ITPKC: variants seen among roughly 807,000 people sequenced by gnomAD.
ITPKC encodes inositol-trisphosphate 3-kinase C, also known as IP3 3-kinase C.
Under a neutral mutation model 67.1 loss-of-function variants are expected in ITPKC, and 33 were observed. That is an observed-to-expected ratio of 0.49 (90% CI 0.37 to 0.66). ITPKC has a LOEUF of 0.66. Among genes scored for constraint, ITPKC ranks in the 30% least tolerant of loss-of-function variants. The pLI is 0.00. For missense variants in ITPKC, 820 were observed against 892.1 expected (o/e 0.92, Z 1.03); for synonymous variants, 341 against 359.8 (o/e 0.95, Z 0.59).
chr19:40,720,952 T>C (rs949352516), intron 1 of ITPKC, among the ~76,000 whole-genome samples: 1 of 152,098 alleles, frequency 6.6e-6, no homozygotes, highest in African/African-American at 2.4e-5. Flanking sequence ...TTTTTCTTTT[T>C]TTGGTAGGGA....
intron 3 of ITPKC, among the ~76,000 whole-genome samples, chr19:40,732,552 G>A (rs114672110): frequency 2.2e-5 from 3 of 136,598 alleles, no homozygotes; most frequent in Non-Finnish European, 4.7e-5. Flanking sequence ...AAAAAAGATT[G>A]TAACAAGGGC....
intron 2 of ITPKC, among the ~76,000 whole-genome samples, 154 bp downstream of exon 2, chr19:40,725,593 C>A (rs953760230): frequency 2.0e-5 from 3 of 152,180 alleles, no homozygotes; most frequent in African/African-American, 7.2e-5. Context: ...CTGGGCCTGG[C>A]CCTTCGTATG....
rs900601396 is a variant in ITPKC, at chr19:40,729,318, G to A, written c.1372G>A (p.Gly458Ser). 1.5e-5 allele frequency: 24 copies of A among 1,614,076 alleles called. No homozygotes were observed. The highest frequency in any genetic ancestry group is 1.9e-5 in the Non-Finnish European group (22 of 1,180,046). The change falls in exon 3 of 7, where the codon GGC becomes AGC. Residue 458 changes from glycine to serine, a missense_variant. Physicochemically the swap from Gly to Ser is moderately conservative, Grantham distance 56 (BLOSUM62 0). This residue lies in a region of ITPKC where 339 missense variants were observed against 422.0 expected (regional missense o/e 0.80). Coordinates refer to ENST00000263370, the MANE Select transcript of ITPKC (RefSeq NM_025194.3). ...GCGACCTTTCGTGCCTGCCTACTAT[G>A]GCATGGTGCTGCAGGATGGCCAGAC... ...PLRPFVPAYY[G>S]MVLQDGQTFN...
chr19:40,729,290 G>T lies in ITPKC; in HGVS notation c.1344G>T (p.Pro448=), dbSNP rs562478696. The part of the protein sequence containing the change: ...QRSLEQLMKD[P]LRPFVPAYYG... ...GCCTGGAGCAGCTGATGAAAGACCC[G>T]CTGCGACCTTTCGTGCCTGCCTACT... The change falls in exon 3 of 7, where the codon CCG becomes CCT. Residue 448 remains proline, a synonymous_variant. Coordinates refer to ENST00000263370, the MANE Select transcript of ITPKC (RefSeq NM_025194.3). 6.2e-7 allele frequency: 1 copy of T among 1,614,010 alleles called. No homozygotes were observed. The highest frequency in any genetic ancestry group is 8.5e-7 in the Non-Finnish European group (1 of 1,180,004).
chr19:40,740,477 C>T lies in ITPKC; in HGVS notation c.*917C>T, dbSNP rs1424902260. The T allele has an allele frequency of 5.3e-5, 11 of 208,362 alleles. 1 individual carries two copies. The highest frequency in any genetic ancestry group is 7.7e-5 in the Non-Finnish European group (8 of 103,792). 12.9% of individuals were successfully genotyped at this position (208,362 alleles called of 1,614,324 possible). Reference sequence around the variant, plus strand: ...AGGAGGGCCCCATCCAATCCCGGGCCCCTGCAGGGAAAAGCGCTGGGTGTG... The same window carrying T: ...AGGAGGGCCCCATCCAATCCCGGGCTCCTGCAGGGAAAAGCGCTGGGTGTG... On this transcript the variant is annotated 3_prime_UTR_variant, in exon 7 of 7. Transcript: ENST00000263370.
intron 1 of ITPKC, 151 bp downstream of exon 1, chr19:40,718,441 C>T: frequency 9.9e-7 from 1 of 1,010,122 alleles, no homozygotes; most frequent in Non-Finnish European, 1.4e-6. Context: ...CCTCCTCCCT[C>T]TGACAGCCAG....
chr19:40,733,096 A>T lies in ITPKC; in HGVS notation c.1470-64A>T, dbSNP rs1456917506. ...CACTGTGGCTTTATGTCTTAATATCAGGAAGGGTAAGCCCTCCAGTTTGTT... is the reference window on the plus strand; with the variant it reads ...CACTGTGGCTTTATGTCTTAATATCTGGAAGGGTAAGCCCTCCAGTTTGTT... On this transcript the variant is annotated intron_variant, in intron 3 of 6. Transcript: ENST00000263370. 2.8e-6 allele frequency: 4 copies of T among 1,421,364 alleles called. No homozygotes were observed. In the African/African-American group the frequency reaches 5.6e-5, roughly 20 times the overall value. 88.0% of individuals were successfully genotyped at this position (1,421,364 alleles called of 1,614,324 possible). A position where few individuals can be genotyped will look rare whatever the true frequency, so the allele number is the denominator to read the frequency against.
Position 40,717,476 on chromosome 19 carries a change from A to G in ITPKC, c.341A>G (p.Glu114Gly). 6.2e-7 allele frequency: 1 copy of G among 1,614,064 alleles called. No homozygotes were observed. The highest frequency in any genetic ancestry group is 8.5e-7 in the Non-Finnish European group (1 of 1,179,996). Residue 114 changes from glutamate to glycine, a missense_variant, in exon 1 of 7, where the codon GAG (glutamate) becomes GGG (glycine). This residue lies in a region of ITPKC where 481 missense variants were observed against 470.1 expected (regional missense o/e 1.02). Transcript: ENST00000263370. Reference sequence around the variant, plus strand: ...ACCGAGAGGCCCAAGCAAAAGACGGAGCCAGACAGGTCCAGCCTCCGGACG... The same window carrying G: ...ACCGAGAGGCCCAAGCAAAAGACGGGGCCAGACAGGTCCAGCCTCCGGACG... Reference protein sequence around the residue: ...VETERPKQKTEPDRSSLRTHL... With the variant: ...VETERPKQKTGPDRSSLRTHL...
At chr19:40,722,344 A>G (rs1030320006) in intron 1 of ITPKC, among the ~76,000 whole-genome samples, 3 of 151,970 alleles carry the variant, frequency 2.0e-5, no homozygotes, top group Admixed American at 6.6e-5. Context: ...GTTGTGGCAC[A>G]CTGAGTCTTT....
chr19:40,725,534 C>A lies in ITPKC; in HGVS notation c.1255+95C>A, dbSNP rs377666423. ...TTTAGTTCCCCCACCTAGTGATGGGCTTGGTGACAGTCCCCACCTTATGGG... is the reference window on the plus strand; with the variant it reads ...TTTAGTTCCCCCACCTAGTGATGGGATTGGTGACAGTCCCCACCTTATGGG... On this transcript the variant is annotated intron_variant, in intron 2 of 6. Coordinates refer to ENST00000263370, the MANE Select transcript of ITPKC (RefSeq NM_025194.3). 3 of 869,396 alleles carry A rather than the reference C, an allele frequency of 3.5e-6. No individual in the cohort carries two copies. The South Asian group carries it at 4.1e-5, about 12-fold the overall frequency. The allele number at this position is 869,396 out of a possible 1,614,324, so 53.9% of individuals were successfully genotyped here.
At chr19:40,727,191 G>C (rs919487069) in intron 2 of ITPKC, among the ~76,000 whole-genome samples, 1 of 151,842 alleles carries the variant, frequency 6.6e-6, no homozygotes, top group East Asian at 1.9e-4. Context: ...AAAATTAGCC[G>C]GGCATGGTGG....
intron 2 of ITPKC, among the ~76,000 whole-genome samples, chr19:40,727,797 G>T (rs1323802385): frequency 6.6e-6 from 1 of 152,162 alleles, no homozygotes; most frequent in Non-Finnish European, 1.5e-5. Context: ...CATATTTAAT[G>T]GGAGAGCAAT....
Position 40,718,170 on chromosome 19 carries a change from A to AC in ITPKC, c.1041dup (p.Ser348LeufsTer4), listed in dbSNP as rs764866398. 40 of 1,590,478 alleles carry AC rather than the reference A, an allele frequency of 2.5e-5. No homozygotes were observed. Among genetic ancestry groups the AC allele is most frequent in the Non-Finnish European group, 3.0e-5 (35 of 1,168,598 alleles). On this transcript the variant is annotated frameshift_variant, in exon 1 of 7. Coordinates refer to ENST00000263370, the MANE Select transcript of ITPKC (RefSeq NM_025194.3). LOFTEE classifies it high-confidence loss of function. ...CTGAGCCTGAGGCCCAGCCAGTGGG[A>AC]CCCCCCTCCCGGGTTGAGGGGGGCA...
chr19:40,718,243 G>A lies in ITPKC; in HGVS notation c.1108G>A (p.Val370Met), dbSNP rs753310722. The A allele has an allele frequency of 6.5e-7, 1 of 1,527,044 alleles. No individual in the cohort carries two copies. Among genetic ancestry groups the A allele is most frequent in the Non-Finnish European group, 8.8e-7 (1 of 1,142,350 alleles). The allele number at this position is 1,527,044 out of a possible 1,614,324, so 94.6% of individuals were successfully genotyped here. A position where few individuals can be genotyped will look rare whatever the true frequency, so the allele number is the denominator to read the frequency against. ...TTCTTTCGACGAGTCTGAGGATGAC[G>A]TGGTGGCCGGGGGCGGAGGTGCCAG... ...ASSFDESEDDVVAGGGGASDP... is the reference protein window; with the variant it reads ...ASSFDESEDDMVAGGGGASDP... The change falls in exon 1 of 7, where the codon GTG (valine) becomes ATG (methionine). Residue 370 changes from valine (V) to methionine (M), a missense_variant. Physicochemically the swap from Val to Met is conservative, Grantham distance 21. Transcript: ENST00000263370.
At chr19:40,736,891 C>T (rs551616859) in intron 4 of ITPKC, 95 bp from the exon 5 acceptor site, 52 of 745,870 alleles carry the variant, frequency 7.0e-5, no homozygotes, top group African/African-American at 5.4e-4. Context: ...TCTTGGCCAC[C>T]GCGCCCGGCC....
chr19:40,722,500 G>A (rs2144735291), intron 1 of ITPKC, among the ~76,000 whole-genome samples: 1 of 151,752 alleles, frequency 6.6e-6, no homozygotes, highest in East Asian at 1.9e-4. Flanking sequence ...TCAAAGAGAT[G>A]TCTGTGAGGT....
In ITPKC at chr19:40,717,853, C is replaced by T; in HGVS notation, c.718C>T (p.Pro240Ser). The T allele has an allele frequency of 2.5e-6, 4 of 1,614,068 alleles. No individual in the cohort carries two copies. The South Asian group carries it at 3.3e-5, about 13-fold the overall frequency. The change falls in exon 1 of 7, where the codon CCC (proline) becomes TCC (serine). Residue 240 changes from proline to serine, a missense_variant. Pro to Ser is a moderately conservative substitution (Grantham distance 74). This residue lies in a region of ITPKC where 481 missense variants were observed against 470.1 expected (regional missense o/e 1.02). Transcript: ENST00000263370. ...GSRTQQDIEG[P>S]WTEPYTDGSQ... ...CAGGACACAACAGGATATTGAAGGT[C>T]CCTGGACAGAGCCATATACTGATGG...
chr19:40,718,814 G>A (rs908528690), intron 1 of ITPKC, among the ~76,000 whole-genome samples: 1 of 152,124 alleles, frequency 6.6e-6, no homozygotes, highest in African/African-American at 2.4e-5. Context: ...GATTCCCCCA[G>A]CTTGCATCAG....
At position 40,717,971 on chromosome 19, in the gene ITPKC, A is replaced by C. The variant is rs772767863; in HGVS notation, c.836A>C (p.Gln279Pro). The C allele has an allele frequency of 1.2e-6, 2 of 1,614,180 alleles. No homozygotes were observed. Among genetic ancestry groups the C allele is most frequent in the Admixed American group, 1.7e-5 (1 of 60,022 alleles). Residue 279 changes from glutamine (Q) to proline (P), a missense_variant, in exon 1 of 7, where the codon CAA (glutamine) becomes CCA (proline). Gln to Pro is a moderately conservative substitution (Grantham distance 76). This residue lies in a region of ITPKC where 481 missense variants were observed against 470.1 expected (regional missense o/e 1.02). Coordinates refer to ENST00000263370, the MANE Select transcript of ITPKC (RefSeq NM_025194.3). ...CAGGATACTGATGGCTCCTGGACAC[A>C]ACCTAGCACTGACGGTTCCCAGACA... ...IQQDTDGSWT[Q>P]PSTDGSQTAP... is the part of the protein sequence containing the mutation.
Sources: allele counts gnomAD v4.1 joint callset (sites outside exome capture counted in the v4.1 genomes callset), GRCh38; gene constraint gnomAD v4.1.1; regional missense constraint gnomAD v4.1.1; transcripts MANE v1.5; gene names NCBI Gene and HGNC (gene_info 2026-07-23, HGNC 2026-07-21).